The following SPOCK3 variants were observed in gnomAD, a reference collection of about 807,000 sequenced individuals.
SPOCK3 encodes the protein testican-3.
SPOCK3 carries 30 observed loss-of-function variants against 56.6 expected under a neutral mutation model. The ratio of observed to expected loss-of-function variants is 0.53; its 90% CI spans 0.40 to 0.72. SPOCK3 has a LOEUF of 0.72. Ranked by LOEUF, SPOCK3 falls within the 30% of genes least tolerant of loss-of-function variation. The probability of loss-of-function intolerance (pLI) is 0.00; values close to 1 mark genes in which losing one functional copy is unlikely to be tolerated. For missense variants in SPOCK3, 527 were observed against 530.0 expected (o/e 0.99, Z 0.06); for synonymous variants, 196 against 183.3 (o/e 1.07, Z -0.56).
At chr4:167,031,873 G>A (rs1242239178) in intron 3 of SPOCK3, among the ~76,000 whole-genome samples, 1 of 151,930 alleles carries the variant, frequency 6.6e-6, no homozygotes, top group Non-Finnish European at 1.5e-5. Context: ...TTCAAATTCA[G>A]TTCTTTAGGG....
intron 4 of SPOCK3, among the ~76,000 whole-genome samples, chr4:166,998,087 C>G (rs34970437): frequency 0.027 from 4,045 of 152,180 alleles, 84 homozygotes; most frequent in Middle Eastern, 0.061. Context: ...TAAATAATCA[C>G]TATGTACTGA....
In SPOCK3 at chr4:167,038,617, T is replaced by C. The variant is rs1752974242; in HGVS notation, c.235+23875A>G. On this transcript the variant is annotated intron_variant, in intron 3 of 10. Transcript: ENST00000357545. ...GGGTGCCATCCACCTATAGAGAACC[T>C]GTGGTCTAACAGTAAGAGCGTGGTG... Among the ~76,000 whole-genome samples the C allele has an allele frequency of 2.1e-5, 3 of 144,920 alleles. 1 individual carries two copies. In the South Asian group the frequency reaches 6.5e-4, roughly 31 times the overall value.
chr4:167,197,751 T>A (rs1390835445), intron 2 of SPOCK3, among the ~76,000 whole-genome samples: 1 of 152,162 alleles, frequency 6.6e-6, no homozygotes, highest in African/African-American at 2.4e-5. Context: ...TTTAAGTTTG[T>A]GTTCAAAAAA....
intron 2 of SPOCK3, among the ~76,000 whole-genome samples, chr4:167,070,284 C>A (rs1242283209): frequency 6.6e-6 from 1 of 151,914 alleles, no homozygotes; most frequent in Non-Finnish European, 1.5e-5. Context: ...TTGTGGGAAG[C>A]ATAAATGGCA....
chr4:166,915,831 T>G (rs1204172837), intron 4 of SPOCK3, among the ~76,000 whole-genome samples: 1 of 152,138 alleles, frequency 6.6e-6, no homozygotes, highest in Non-Finnish European at 1.5e-5. Context: ...TCTAATTTTT[T>G]GATACACCAA....
At chr4:166,755,511 A>G (rs547892899) in intron 7 of SPOCK3, among the ~76,000 whole-genome samples, 162 of 152,230 alleles carry the variant, frequency 1.1e-3, no homozygotes, top group African/African-American at 3.6e-3. Flanking sequence ...TATTTTAAAA[A>G]TTTGCTTTCA....
chr4:166,922,880 C>T (rs537036558), intron 4 of SPOCK3, among the ~76,000 whole-genome samples: 1 of 152,228 alleles, frequency 6.6e-6, no homozygotes, highest in South Asian at 2.1e-4. Flanking sequence ...CCAATCAATG[C>T]CTGTTTTTCC....
chr4:166,772,928 A>G (rs1739119552), intron 7 of SPOCK3, among the ~76,000 whole-genome samples: 1 of 152,088 alleles, frequency 6.6e-6, no homozygotes, highest in African/African-American at 2.4e-5. Context: ...GGATAAGACA[A>G]TAGGCACAAG....
At chr4:167,162,976 A>T (rs572787704) in intron 2 of SPOCK3, among the ~76,000 whole-genome samples, 8 of 151,974 alleles carry the variant, frequency 5.3e-5, no homozygotes, top group African/African-American at 1.9e-4. Flanking sequence ...ATTTATAATT[A>T]CTAAATACAA....
At chr4:167,100,109 A>T (rs1759507342) in intron 2 of SPOCK3, among the ~76,000 whole-genome samples, 1 of 152,094 alleles carries the variant, frequency 6.6e-6, no homozygotes, top group Non-Finnish European at 1.5e-5. Context: ...ATGAATACCA[A>T]ACTCTCACTA....
intron 2 of SPOCK3, among the ~76,000 whole-genome samples, chr4:167,179,925 G>GAATGGCA (rs1365554362): frequency 2.6e-5 from 4 of 152,168 alleles, no homozygotes; most frequent in Non-Finnish European, 5.9e-5. Context: ...GTAACTCACA[G>GAATGGCA]AATGGCAAAT....
chr4:167,154,645 C>T (rs1334197535), intron 2 of SPOCK3, among the ~76,000 whole-genome samples: 1 of 152,096 alleles, frequency 6.6e-6, no homozygotes, highest in East Asian at 1.9e-4. Flanking sequence ...GTTGAGAAAT[C>T]CCCCCTGCCT....
At chr4:167,056,345 G>A (rs527398781) in intron 3 of SPOCK3, among the ~76,000 whole-genome samples, 7 of 152,280 alleles carry the variant, frequency 4.6e-5, no homozygotes, top group East Asian at 1.9e-4. Context: ...AAAAAACAGA[G>A]CAGAAAAACT....
At chr4:167,195,646 T>G (rs1481591786) in intron 2 of SPOCK3, among the ~76,000 whole-genome samples, 8 of 152,070 alleles carry the variant, frequency 5.3e-5, no homozygotes. Flanking sequence ...TTACCCAAAG[T>G]GTGGGTGTGT....
At chr4:167,191,883 T>C (rs1366137305) in intron 2 of SPOCK3, among the ~76,000 whole-genome samples, 1 of 145,578 alleles carries the variant, frequency 6.9e-6, no homozygotes, top group Admixed American at 7.1e-5. Context: ...AACCTTCAGT[T>C]TTCACCATTT....
chr4:166,905,280 A>G (rs981468277), intron 5 of SPOCK3, among the ~76,000 whole-genome samples: 1 of 151,938 alleles, frequency 6.6e-6, no homozygotes, highest in Non-Finnish European at 1.5e-5. Context: ...TGTTCTACAT[A>G]GTTTAGGATT....
chr4:167,234,590 C>T (rs535441457), upstream of SPOCK3: 6 of 219,042 alleles, frequency 2.7e-5, no homozygotes, highest in South Asian at 5.2e-4. Context: ...GCGCTCCCCC[C>T]ATCTCCACCC....
chr4:167,128,981 T>C (rs892553034), intron 2 of SPOCK3, among the ~76,000 whole-genome samples: 6 of 152,118 alleles, frequency 3.9e-5, no homozygotes, highest in African/African-American at 1.4e-4. Context: ...TGATGAGAAA[T>C]GACCCTGAGA....
chr4:166,749,066 G>A lies in SPOCK3; in HGVS notation c.931+5442C>T, dbSNP rs1027474861. Among the ~76,000 whole-genome samples the A allele has an allele frequency of 2.3e-4, 31 of 137,400 alleles. 9 individuals carry two copies. The highest frequency in any genetic ancestry group is 7.4e-4 in the African/African-American group (24 of 32,344). 90.1% of individuals were successfully genotyped at this position (137,400 alleles called of 152,430 possible). ...ACTGTAGACTAGTTCAACCATTGTG[G>A]AAGGCAGTGTGGTGATTCCTCAAAG... On this transcript the variant is annotated intron_variant, in intron 8 of 10. Coordinates refer to ENST00000357545, the MANE Select transcript of SPOCK3 (RefSeq NM_001040159.2).
Sources: allele counts gnomAD v4.1 joint callset (sites outside exome capture counted in the v4.1 genomes callset), GRCh38; gene constraint gnomAD v4.1.1; transcripts MANE v1.5; gene names NCBI Gene and HGNC (gene_info 2026-07-23, HGNC 2026-07-21).